Variants in MPO observed in about 807,000 individuals in gnomAD.
MPO encodes myeloperoxidase.
A neutral mutation model predicts 69.4 loss-of-function variants in MPO; 57 were observed. That is an observed-to-expected ratio of 0.82 (90% CI 0.66 to 1.02). The LOEUF (loss-of-function observed/expected upper bound fraction) is 1.02, where lower values mean the gene tolerates loss of function less well. MPO is among the 50% of genes least tolerant of loss of function. MPO has a pLI of 0.00. For missense variants in MPO, 971 were observed against 1,014.1 expected (o/e 0.96, Z 0.58); for synonymous variants, 426 against 417.1 (o/e 1.02, Z -0.26).
intron 2 of MPO, 122 bp from the exon 3 acceptor site, chr17:58,280,136 C>T: frequency 5.2e-6 from 7 of 1,343,356 alleles, no homozygotes; most frequent in Non-Finnish European, 7.3e-6. Context: ...GGAAGGCTTC[C>T]TTTTATAAAA....
chr17:58,277,698 G>A (rs1457138304), intron 7 of MPO, 129 bp downstream of exon 7: 63 of 1,312,736 alleles, frequency 4.8e-5, no homozygotes, highest in Non-Finnish European at 6.7e-5. Context: ...ATATCATGAA[G>A]TTGATAGTAA....
chr17:58,278,756 AG>A (rs2143979239), intron 6 of MPO: 1 of 589,878 alleles, frequency 1.7e-6, no homozygotes, highest in East Asian at 2.8e-5. Flanking sequence ...TCAGCCAAGG[AG>A]GAACAACCCT....
In MPO at chr17:58,270,792, C is replaced by CG; in HGVS notation, c.2101dup (p.Arg701ProfsTer14). 1.2e-6 allele frequency: 2 copies of CG among 1,614,020 alleles called. No homozygotes were observed. The highest frequency in any genetic ancestry group is 1.7e-6 in the Non-Finnish European group (2 of 1,179,950). The stretch of plus-strand genomic sequence containing the variant: ...GATGCCTGTGTTGTCGCAGATGATC[C>CG]GGGGCAATGAGATCTGGGCCAGGGC... On this transcript the variant is annotated frameshift_variant, in exon 12 of 12. Coordinates refer to ENST00000225275, the MANE Select transcript of MPO (RefSeq NM_000250.2). LOFTEE classifies it high-confidence loss of function. This position sits in a 1 kb window ranked among gnomAD's most constrained non-coding sequence, Gnocchi z 4.1.
chr17:58,270,960 C>G lies in MPO; in HGVS notation c.2031-97G>C. 1 of 1,362,972 alleles carries G rather than the reference C, an allele frequency of 7.3e-7. No homozygotes were observed. The highest frequency in any genetic ancestry group is 2.4e-5 in the East Asian group (1 of 42,542). The allele number at this position is 1,362,972 out of a possible 1,614,324, so 84.4% of individuals were successfully genotyped here. On this transcript the variant is annotated intron_variant, in intron 11 of 11. Coordinates refer to ENST00000225275, the MANE Select transcript of MPO (RefSeq NM_000250.2). The surrounding 1 kb of genome is among the most constrained non-coding windows in gnomAD (Gnocchi z 4.1). ...CTGCTCCCAGGATATAACAAAGCCACAACAAATGCCACCTGGAAGCACAGG... is the reference window on the plus strand; with the variant it reads ...CTGCTCCCAGGATATAACAAAGCCAGAACAAATGCCACCTGGAAGCACAGG...
At chr17:58,276,363 A>G (rs1970437877) in intron 7 of MPO, among the ~76,000 whole-genome samples, 1 of 152,222 alleles carries the variant, frequency 6.6e-6, no homozygotes, top group South Asian at 2.1e-4. Context: ...GGAGAGGGCT[A>G]GGACATGAGA....
intron 3 of MPO, 34 bp from the exon 4 acceptor site, chr17:58,279,680 C>A: frequency 6.2e-7 from 1 of 1,613,998 alleles, no homozygotes; most frequent in Non-Finnish European, 8.5e-7. Flanking sequence ...GGAGCTGAGC[C>A]GCCTCACTTC....
intron 11 of MPO, 78 bp downstream of exon 11, chr17:58,271,577 G>T: frequency 7.1e-7 from 1 of 1,413,072 alleles, no homozygotes; most frequent in Non-Finnish European, 1.0e-6. Context: ...TCAACTGACA[G>T]GAGGAAATTT....
Position 58,273,751 on chromosome 17 carries a change from C to T in MPO, c.1366-82G>A. ...CCTGGCAGCACAGGAGGGCCAGAGTCTCTGCCTGCTCTTGGCTTCGGGGAC... is the reference window on the plus strand; with the variant it reads ...CCTGGCAGCACAGGAGGGCCAGAGTTTCTGCCTGCTCTTGGCTTCGGGGAC... On this transcript the variant is annotated intron_variant, in intron 8 of 11. Coordinates refer to ENST00000225275, the MANE Select transcript of MPO (RefSeq NM_000250.2). 3 of 1,602,570 alleles carry T rather than the reference C, an allele frequency of 1.9e-6. No homozygotes were observed. The Admixed American group carries it at 5.0e-5, about 27-fold the overall frequency.
At chr17:58,278,806 G>C in intron 6 of MPO, 1 of 659,878 alleles carries the variant, frequency 1.5e-6, no homozygotes. Flanking sequence ...GCAAATGGAC[G>C]GCCCTGGCTG....
chr17:58,280,735 A>G lies in MPO; in HGVS notation c.24T>C (p.Ser8=). Reference sequence around the variant, plus strand: ...GTCCTAAGTCCACCATGCATCTGAGAGAAGAGAAGAAGGGAACCCCCATCT... The same window carrying G: ...GTCCTAAGTCCACCATGCATCTGAGGGAAGAGAAGAAGGGAACCCCCATCT... MGVPFFS[S]LRCMVDLGPC... Residue 8 remains serine (S), a synonymous_variant, in exon 1 of 12, where the codon TCT becomes TCC. Coordinates refer to ENST00000225275, the MANE Select transcript of MPO (RefSeq NM_000250.2). 1 of 1,614,198 alleles carries G rather than the reference A, an allele frequency of 6.2e-7. No individual in the cohort carries two copies.
At position 58,279,314 on chromosome 17, in the gene MPO, C is replaced by A. The variant is rs991114973; in HGVS notation, c.661G>T (p.Gly221Cys). Residue 221 changes from glycine (G) to cysteine (C), a missense_variant, in exon 5 of 12, where the codon GGC (glycine) becomes TGC (cysteine). Physicochemically the swap from Gly to Cys is radical, Grantham distance 159 (BLOSUM62 -3). Transcript: ENST00000225275. The part of the protein sequence containing the change: ...YGWTPGVKRN[G>C]FPVALARAVS... ...GCGCTCACCAGAGCCACCGGGAAGCCGTTGCGCTTGACCCCGGGCGTCCAG... is the reference window on the plus strand; with the variant it reads ...GCGCTCACCAGAGCCACCGGGAAGCAGTTGCGCTTGACCCCGGGCGTCCAG... 1 of 1,568,940 alleles carries A rather than the reference C, an allele frequency of 6.4e-7. No homozygotes were observed. The highest frequency in any genetic ancestry group is 1.3e-5 in the African/African-American group (1 of 74,126).
At position 58,277,993 on chromosome 17, in the gene MPO, C is replaced by A; in HGVS notation, c.1038G>T (p.Glu346Asp). The change falls in exon 7 of 12, where the codon GAG becomes GAT. Residue 346 changes from glutamate to aspartate, a missense_variant. Physicochemically the swap from Glu to Asp is conservative, Grantham distance 45. Transcript: ENST00000225275. ...FVDASMVYGS[E>D]EPLARNLRNM... ...TGCGCAGGTTCCTGGCCAGGGGCTC[C>A]TCGCTGCCGTACACCATGCTGGCGT... The A allele has an allele frequency of 6.2e-7, 1 of 1,613,934 alleles. No individual in the cohort carries two copies. Among genetic ancestry groups the A allele is most frequent in the Non-Finnish European group, 8.5e-7 (1 of 1,180,044 alleles).
intron 2 of MPO, 147 bp from the exon 3 acceptor site, chr17:58,280,161 G>A: frequency 1.8e-6 from 2 of 1,133,162 alleles, no homozygotes; most frequent in South Asian, 2.7e-5. Flanking sequence ...TATGGACCTG[G>A]GTGTCCAGAC....
chr17:58,271,621 C>G, intron 11 of MPO, 34 bp downstream of exon 11: 4 of 1,602,414 alleles, frequency 2.5e-6, no homozygotes, highest in Non-Finnish European at 3.4e-6. Flanking sequence ...GGCCCACAGC[C>G]ACCCAGCGGC....
chr17:58,271,859 G>C lies in MPO; in HGVS notation c.1826C>G (p.Pro609Arg), dbSNP rs762964641. The change falls in exon 11 of 12, where the codon CCG becomes CGG. Residue 609 changes from proline (P) to arginine (R), a missense_variant. Pro to Arg is a moderately radical substitution (Grantham distance 103, BLOSUM62 -2). Transcript: ENST00000225275. ...YNAWRRFCGL[P>R]QPETVGQLGT... ...CAGCTGGCCCACAGTTTCAGGCTGC[G>C]GGAGCCCACAGAAGCGCCTCCAGGC... 1 of 1,614,144 alleles carries C rather than the reference G, an allele frequency of 6.2e-7. No individual in the cohort carries two copies.
chr17:58,271,571 C>A lies in MPO; in HGVS notation c.2030+84G>T, dbSNP rs1022711836. The A allele has an allele frequency of 2.2e-6, 3 of 1,361,622 alleles. No homozygotes were observed. In the Admixed American group the frequency reaches 5.0e-5, roughly 23 times the overall value. 84.3% of individuals were successfully genotyped at this position (1,361,622 alleles called of 1,614,324 possible). A position where few individuals can be genotyped will look rare whatever the true frequency, so the allele number is the denominator to read the frequency against. Reference sequence around the variant, plus strand: ...TTACTGACTCCCTCCAGTCCTTCAACTGACAGGAGGAAATTTGGGCTCCAA... The same window carrying A: ...TTACTGACTCCCTCCAGTCCTTCAAATGACAGGAGGAAATTTGGGCTCCAA... On this transcript the variant is annotated intron_variant, in intron 11 of 11. Transcript: ENST00000225275.
rs753251694 is a variant in MPO, at chr17:58,270,864, C to T, written c.2031-1G>A. 5.0e-6 allele frequency: 8 copies of T among 1,613,066 alleles called. No homozygotes were observed. The highest frequency in any genetic ancestry group is 6.8e-6 in the Non-Finnish European group (8 of 1,180,028). On this transcript the variant is annotated splice_acceptor_variant, in intron 11 of 11. Transcript: ENST00000225275. LOFTEE classifies it high-confidence loss of function. The surrounding 1 kb of genome is among the most constrained non-coding windows in gnomAD (Gnocchi z 4.1). ...CACACCCTCGTTCTCCCACCAAAAC[C>T]TGCATGGGGAACACCCATGGACACT...
intron 1 of MPO, 36 bp from the exon 2 acceptor site, chr17:58,280,495 C>A (rs1170856296): frequency 6.2e-7 from 1 of 1,613,208 alleles, no homozygotes; most frequent in Admixed American, 1.7e-5. Flanking sequence ...CAGGAATGGG[C>A]CCCAACCCCC....
At position 58,270,215 on chromosome 17, in the gene MPO, C is replaced by A; in HGVS notation, c.*441G>T. On this transcript the variant is annotated 3_prime_UTR_variant, in exon 12 of 12. Coordinates refer to ENST00000225275, the MANE Select transcript of MPO (RefSeq NM_000250.2). The surrounding 1 kb of genome is among the most constrained non-coding windows in gnomAD (Gnocchi z 4.1). ...TGAAGAACCAGAGGATACAAGTGGG[C>A]CCTCCAAGAAACCATGACAGATGTA... The A allele has an allele frequency of 2.6e-5, 8 of 305,698 alleles. No individual in the cohort carries two copies. Among genetic ancestry groups the A allele is most frequent in the South Asian group, 2.4e-4 (8 of 32,822 alleles). 18.9% of individuals were successfully genotyped at this position (305,698 alleles called of 1,614,324 possible).
Sources: allele counts gnomAD v4.1 joint callset (sites outside exome capture counted in the v4.1 genomes callset), GRCh38; gene constraint gnomAD v4.1.1; non-coding constraint Gnocchi (gnomAD v3.1); transcripts MANE v1.5; gene names NCBI Gene and HGNC (gene_info 2026-07-23, HGNC 2026-07-21).